GALK2: variants seen among roughly 807,000 people sequenced by gnomAD.
The protein encoded by GALK2 is galactokinase 2.
GALK2 carries 36 observed loss-of-function variants against 52.4 expected under a neutral mutation model. That is an observed-to-expected ratio of 0.69 (90% CI 0.53 to 0.91). GALK2 has a LOEUF of 0.91. Among genes scored for constraint, GALK2 ranks in the 40% least tolerant of loss-of-function variants. The pLI is 0.00. For synonymous variants in GALK2, 176 were observed against 199.1 expected (o/e 0.88, Z 0.98); for missense variants, 579 against 559.1 (o/e 1.04, Z -0.36).
At chr15:49,271,904 A>C (rs983413346) in intron 5 of GALK2, among the ~76,000 whole-genome samples, 5 of 152,246 alleles carry the variant, frequency 3.3e-5, no homozygotes, top group Admixed American at 6.5e-5. Flanking sequence ...CCATCCAGCA[A>C]CGTACACGTT....
At chr15:49,201,383 C>A in intron 2 of GALK2, 133 bp downstream of exon 2, 1 of 541,570 alleles carries the variant, frequency 1.8e-6, no homozygotes, top group Non-Finnish European at 3.2e-6. Flanking sequence ...GTAAGATGTG[C>A]CTTTGCATAA....
At chr15:49,284,548 C>G (rs1281819124) in intron 7 of GALK2, among the ~76,000 whole-genome samples, 2 of 152,162 alleles carry the variant, frequency 1.3e-5, no homozygotes, top group Non-Finnish European at 2.9e-5. Flanking sequence ...AGGAGCTCCA[C>G]TGTGCTTTCT....
chr15:49,187,310 G>A (rs2086427518), intron 1 of GALK2, among the ~76,000 whole-genome samples: 2 of 152,166 alleles, frequency 1.3e-5, no homozygotes. Context: ...TCTCCATACT[G>A]ATTTTCCTGG....
chr15:49,324,986 T>C (rs1304943562), intron 9 of GALK2, among the ~76,000 whole-genome samples: 1 of 152,196 alleles, frequency 6.6e-6, no homozygotes, highest in Non-Finnish European at 1.5e-5. Flanking sequence ...CAAGGCATAA[T>C]TTCTTACCTT....
intron 8 of GALK2, among the ~76,000 whole-genome samples, chr15:49,295,044 A>T (rs967256414): frequency 2.3e-4 from 35 of 152,254 alleles, no homozygotes; most frequent in African/African-American, 7.7e-4. Context: ...ATACTGAATG[A>T]GAAGAGCCTG....
intron 8 of GALK2, among the ~76,000 whole-genome samples, chr15:49,313,328 A>C (rs2036146927): frequency 1.3e-5 from 2 of 152,360 alleles, no homozygotes; most frequent in South Asian, 2.1e-4. Context: ...TAGTGGATGT[A>C]GCTGAGGATG....
chr15:49,170,979 G>T (rs1471844154), intron 1 of GALK2, among the ~76,000 whole-genome samples: 2 of 151,894 alleles, frequency 1.3e-5, no homozygotes, highest in African/African-American at 4.8e-5. Context: ...ATAAAATGAA[G>T]TCTGTCACCT....
At chr15:49,322,050 C>T (rs1309052438) in intron 9 of GALK2, among the ~76,000 whole-genome samples, 1 of 152,202 alleles carries the variant, frequency 6.6e-6, no homozygotes, top group African/African-American at 2.4e-5. Flanking sequence ...TTTTTCTGTT[C>T]TAGCAGTCTA....
In GALK2 at chr15:49,330,217, G is replaced by A. The variant is rs966068576; in HGVS notation, c.*2058G>A. 1.1e-4 allele frequency: 16 copies of A among 152,258 alleles called. No homozygotes were observed. Among genetic ancestry groups the A allele is most frequent in the African/African-American group, 3.9e-4 (16 of 41,438 alleles). 9.4% of individuals were successfully genotyped at this position (152,258 alleles called of 1,614,324 possible). On this transcript the variant is annotated 3_prime_UTR_variant, in exon 10 of 10. Coordinates refer to ENST00000560031, the MANE Select transcript of GALK2 (RefSeq NM_002044.4). ...AAACATGGTGTGTGTAGGAGGCTCA[G>A]TGAGAGTGAAGGCTTTGCTTTGGTA...
chr15:49,282,165 C>A, intron 6 of GALK2, 80 bp downstream of exon 6: 1 of 990,110 alleles, frequency 1.0e-6, no homozygotes, highest in Non-Finnish European at 1.6e-6. Context: ...CTGAGAGCCC[C>A]AGGATGCTTG....
At chr15:49,280,864 G>T (rs746994216) in intron 5 of GALK2, among the ~76,000 whole-genome samples, 17 of 151,892 alleles carry the variant, frequency 1.1e-4, no homozygotes, top group Non-Finnish European at 2.5e-4. Flanking sequence ...TTGAGAAGGG[G>T]TCTTACTCTG....
At chr15:49,169,505 G>A (rs911001440), upstream of GALK2, among the ~76,000 whole-genome samples, 4 of 152,052 alleles carry the variant, frequency 2.6e-5, no homozygotes, top group East Asian at 7.7e-4. Flanking sequence ...CTTTCTAGTG[G>A]TAGTGATGAT....
chr15:49,190,456 A>G, intron 1 of GALK2, among the ~76,000 whole-genome samples: 1 of 152,224 alleles, frequency 6.6e-6, no homozygotes, highest in East Asian at 1.9e-4. Flanking sequence ...CTGATTGGTT[A>G]TAACATCTTA....
rs1487230958 is a variant in GALK2 at position 49,263,657 on chromosome 15, C to G, written c.505-18330C>G. ...TGCTTGTTAGTTGATGCAGTTTCTTCCTAGTCTCGATGGTCTTTACATTTT... is the reference window on the plus strand; with the variant it reads ...TGCTTGTTAGTTGATGCAGTTTCTTGCTAGTCTCGATGGTCTTTACATTTT... On this transcript the variant is annotated intron_variant, in intron 5 of 9. Coordinates refer to ENST00000560031, the MANE Select transcript of GALK2 (RefSeq NM_002044.4). Among the ~76,000 whole-genome samples, 2 of 126,880 alleles carry G rather than the reference C, an allele frequency of 1.6e-5. 1 individual carries two copies. The highest frequency in any genetic ancestry group is 6.4e-5 in the African/African-American group (2 of 31,278). 83.2% of individuals were successfully genotyped at this position (126,880 alleles called of 152,430 possible). A position where few individuals can be genotyped will look rare whatever the true frequency, so the allele number is the denominator to read the frequency against.
intron 5 of GALK2, among the ~76,000 whole-genome samples, chr15:49,246,865 C>G (rs1157770425): frequency 6.6e-6 from 1 of 152,114 alleles, no homozygotes; most frequent in Non-Finnish European, 1.5e-5. Context: ...TGTTGAATAC[C>G]TACTATATGC....
chr15:49,248,779 C>G (rs555118003), intron 5 of GALK2, among the ~76,000 whole-genome samples: 1 of 152,184 alleles, frequency 6.6e-6, no homozygotes, highest in African/African-American at 2.4e-5. Flanking sequence ...GTTTGGGTCA[C>G]TTCTGGGTTT....
intron 5 of GALK2, among the ~76,000 whole-genome samples, chr15:49,250,845 A>G (rs1053614920): frequency 2.6e-5 from 4 of 151,956 alleles, no homozygotes; most frequent in Non-Finnish European, 4.4e-5. Context: ...TGTCAAAGTT[A>G]TAATGATATT....
At chr15:49,219,541 G>A (rs1309276587) in intron 3 of GALK2, among the ~76,000 whole-genome samples, 1 of 152,184 alleles carries the variant, frequency 6.6e-6, no homozygotes, top group East Asian at 1.9e-4. Context: ...GGGCACGGTG[G>A]TTCACGCCTG....
intron 9 of GALK2, among the ~76,000 whole-genome samples, chr15:49,322,873 C>T (rs752434187): frequency 2.0e-5 from 3 of 149,172 alleles, no homozygotes; most frequent in Non-Finnish European, 3.0e-5. Flanking sequence ...GGGAGAATGG[C>T]GTGAACCCGG....
Sources: allele counts gnomAD v4.1 joint callset (sites outside exome capture counted in the v4.1 genomes callset), GRCh38; gene constraint gnomAD v4.1.1; transcripts MANE v1.5; gene names NCBI Gene and HGNC (gene_info 2026-07-23, HGNC 2026-07-21).